NAV3: variants seen among roughly 807,000 people sequenced by gnomAD.
NAV3 encodes pore membrane and/or filament interacting like protein 1.
Under a neutral mutation model 244.7 loss-of-function variants are expected in NAV3, and 87 were observed. The observed-to-expected ratio is 0.36, with a 90% CI of 0.30 to 0.42. NAV3 has a LOEUF of 0.42. NAV3 is among the 20% of genes least tolerant of loss of function. The pLI, the probability that NAV3 is intolerant of heterozygous loss-of-function variation, is 1.00. For missense variants in NAV3, 2,663 were observed against 2,893.3 expected (o/e 0.92, Z 1.83); for synonymous variants, 1,126 against 1,042.2 (o/e 1.08, Z -1.55).
intron 1 of NAV3, among the ~76,000 whole-genome samples, chr12:77,922,065 T>C (rs1213303574): frequency 6.6e-6 from 1 of 152,178 alleles, no homozygotes; most frequent in East Asian, 1.9e-4. Flanking sequence ...TCTGAATCTT[T>C]GTGTCAATGA....
intron 2 of NAV3, among the ~76,000 whole-genome samples, chr12:77,760,627 T>C (rs1183820722): frequency 6.6e-6 from 1 of 152,176 alleles, no homozygotes. Flanking sequence ...ATGAAATTCT[T>C]GGTATAAATT....
intron 2 of NAV3, among the ~76,000 whole-genome samples, chr12:77,776,629 A>G (rs1870372037): frequency 6.6e-6 from 1 of 152,184 alleles, no homozygotes; most frequent in African/African-American, 2.4e-5. Flanking sequence ...TAGGCTCACT[A>G]AAAGCATGCT....
intron 2 of NAV3, among the ~76,000 whole-genome samples, chr12:77,755,032 TA>T (rs1333620889): frequency 6.6e-6 from 1 of 152,202 alleles, no homozygotes; most frequent in Non-Finnish European, 1.5e-5. Flanking sequence ...TTTGCTGAAT[TA>T]AAAACAATTC....
intron 1 of NAV3, among the ~76,000 whole-genome samples, chr12:77,831,923 A>T (rs1177856358): frequency 6.6e-6 from 1 of 152,292 alleles, no homozygotes; most frequent in African/African-American, 2.4e-5. Flanking sequence ...CTGAATATGC[A>T]TCTATTGTAA....
chr12:78,140,684 T>G (rs1249086307), intron 20 of NAV3, among the ~76,000 whole-genome samples: 1 of 152,150 alleles, frequency 6.6e-6, no homozygotes, highest in Non-Finnish European at 1.5e-5. Flanking sequence ...GTTGTCCATG[T>G]TTTGTTCTTT....
At chr12:78,204,503 T>C (rs1960077795) in intron 38 of NAV3, among the ~76,000 whole-genome samples, 1 of 152,114 alleles carries the variant, frequency 6.6e-6, no homozygotes, top group Non-Finnish European at 1.5e-5. Context: ...TAAGTTACTT[T>C]TATTTTATTT....
intron 16 of NAV3, among the ~76,000 whole-genome samples, chr12:78,125,599 A>T (rs1006927485): frequency 5.9e-5 from 9 of 152,174 alleles, no homozygotes; most frequent in African/African-American, 1.7e-4. Flanking sequence ...CTGCCTAGAA[A>T]CTATTGGCTC....
At chr12:77,707,986 A>C (rs1875911746) in intron 2 of NAV3, among the ~76,000 whole-genome samples, 1 of 152,026 alleles carries the variant, frequency 6.6e-6, no homozygotes, top group Non-Finnish European at 1.5e-5. Context: ...AGATTGCAAA[A>C]ATTTTCTCCC....
intron 8 of NAV3, among the ~76,000 whole-genome samples, chr12:78,010,440 A>G (rs991156087): frequency 6.6e-6 from 1 of 152,180 alleles, no homozygotes; most frequent in African/African-American, 2.4e-5. Flanking sequence ...GTCACAAAAT[A>G]TATGTGAATT....
intron 1 of NAV3, among the ~76,000 whole-genome samples, chr12:77,885,422 T>C (rs1377044076): frequency 6.6e-6 from 1 of 152,124 alleles, no homozygotes; most frequent in Non-Finnish European, 1.5e-5. Context: ...ACGATAGCAG[T>C]TTCCAATAGT....
intron 2 of NAV3, among the ~76,000 whole-genome samples, chr12:77,684,617 C>A (rs1208571962): frequency 6.6e-6 from 1 of 152,028 alleles, no homozygotes; most frequent in Non-Finnish European, 1.5e-5. Context: ...GCCACCATGC[C>A]CAGCCTACTT....
intron 2 of NAV3, among the ~76,000 whole-genome samples, chr12:77,585,647 A>G (rs1869569625): frequency 6.6e-6 from 1 of 152,024 alleles, no homozygotes; most frequent in Non-Finnish European, 1.5e-5. Context: ...TAGGGTTCGT[A>G]CTCACTCCTA....
intron 1 of NAV3, among the ~76,000 whole-genome samples, chr12:77,918,350 T>C (rs1887367880): frequency 6.6e-6 from 1 of 151,940 alleles, no homozygotes; most frequent in African/African-American, 2.4e-5. Flanking sequence ...AAAAACCGCT[T>C]GGCTGAGTAT....
At chr12:77,582,856 C>T (rs1176444406) in intron 2 of NAV3, among the ~76,000 whole-genome samples, 1 of 152,120 alleles carries the variant, frequency 6.6e-6, no homozygotes, top group Non-Finnish European at 1.5e-5. Flanking sequence ...GACTGCTAGC[C>T]AATTCAAGGC....
chr12:78,110,693 AGT>A lies in NAV3; in HGVS notation c.2637-6066_2637-6065del, dbSNP rs1245764766. ...AATAAAGCCATATATATATATATAT[AGT>A]GTGTGTGTGTGTATACACACATACA... On this transcript the variant is annotated intron_variant, in intron 12 of 39. Transcript: ENST00000397909. Among the ~76,000 whole-genome samples, 12 of 150,840 alleles carry A rather than the reference AGT, an allele frequency of 8.0e-5. No individual in the cohort carries two copies. The East Asian group carries it at 9.8e-4, about 12-fold the overall frequency.
At chr12:78,185,744 C>T in intron 31 of NAV3, 46 bp downstream of exon 31, 1 of 1,491,316 alleles carries the variant, frequency 6.7e-7, no homozygotes, top group Non-Finnish European at 9.3e-7. Flanking sequence ...ATGAGAATTA[C>T]CATGAGTCAA....
At chr12:77,921,433 G>A (rs1920427) in intron 1 of NAV3, among the ~76,000 whole-genome samples, 62,875 of 151,724 alleles carry the variant, frequency 0.41, 14,093 homozygotes, top group African/African-American at 0.6. Context: ...TCCTGAAACC[G>A]AGAAGTAGCC....
intron 2 of NAV3, among the ~76,000 whole-genome samples, chr12:77,600,333 T>A (rs2136764872): frequency 6.6e-6 from 1 of 152,076 alleles, no homozygotes; most frequent in East Asian, 1.9e-4. Context: ...TACTGACTAC[T>A]GACTGGCCCA....
chr12:77,885,804 A>T (rs1420303772), intron 1 of NAV3, among the ~76,000 whole-genome samples: 1 of 152,112 alleles, frequency 6.6e-6, no homozygotes, highest in Admixed American at 6.6e-5. Flanking sequence ...GCTGCTTAAG[A>T]TGAGTTTAAA....
Sources: gnomAD v4.1 joint callset for allele counts (sites outside exome capture counted in the v4.1 genomes callset) on GRCh38, gnomAD v4.1.1 for gene constraint, MANE v1.5 for transcripts, NCBI Gene and HGNC (gene_info 2026-07-23, HGNC 2026-07-21) for gene names.